The following TBC1D8 variants were observed in gnomAD, a reference collection of about 807,000 sequenced individuals.
The protein encoded by TBC1D8 is BUB2-like protein 1.
Under a neutral mutation model 118.8 loss-of-function variants are expected in TBC1D8, and 65 were observed. The ratio of observed to expected loss-of-function variants is 0.55; its 90% CI spans 0.45 to 0.67. The LOEUF is 0.67. Ranked by LOEUF, TBC1D8 falls within the 30% of genes least tolerant of loss-of-function variation. TBC1D8 has a pLI of 0.00. For missense variants in TBC1D8, 1,376 were observed against 1,471.2 expected, an observed-to-expected ratio of 0.94 and a Z score of 1.06; for synonymous variants, 566 against 595.8, an observed-to-expected ratio of 0.95 and a Z score of 0.73.
At chr2:101,119,119 C>A (rs562196408) in intron 1 of TBC1D8, among the ~76,000 whole-genome samples, 2 of 152,184 alleles carry the variant, frequency 1.3e-5, no homozygotes, top group Non-Finnish European at 2.9e-5. Flanking sequence ...TTTCTACACA[C>A]CAATAACAAT....
At chr2:101,044,486 T>A (rs1001225282) in intron 5 of TBC1D8, among the ~76,000 whole-genome samples, 14 of 152,212 alleles carry the variant, frequency 9.2e-5, no homozygotes, top group African/African-American at 3.1e-4. Context: ...AAGCCACTGC[T>A]CACAGCCCGC....
At chr2:101,146,739 C>G (rs925898305) in intron 1 of TBC1D8, among the ~76,000 whole-genome samples, 1 of 151,956 alleles carries the variant, frequency 6.6e-6, no homozygotes, top group East Asian at 1.9e-4. Context: ...TCAAAGGCTT[C>G]TCATTCTCAT....
intron 1 of TBC1D8, among the ~76,000 whole-genome samples, chr2:101,118,162 C>CCCTA (rs1263007734): frequency 2.6e-5 from 4 of 152,124 alleles, no homozygotes; most frequent in African/African-American, 9.7e-5. Context: ...CCGCCATGTA[C>CCCTA]CCTAGGTCCT....
At chr2:101,018,755 G>A (rs1679839264) in intron 17 of TBC1D8, among the ~76,000 whole-genome samples, 1 of 152,176 alleles carries the variant, frequency 6.6e-6, no homozygotes, top group Admixed American at 6.5e-5. Context: ...TCTCATTTGT[G>A]TGTGTCCATT....
intron 3 of TBC1D8, among the ~76,000 whole-genome samples, chr2:101,056,486 G>A (rs535997722): frequency 2.0e-5 from 3 of 152,220 alleles, no homozygotes; most frequent in East Asian, 1.9e-4. Flanking sequence ...GTGAGCCACC[G>A]CGCCCGGCCT....
At chr2:101,065,391 T>A (rs2105430156) in intron 2 of TBC1D8, among the ~76,000 whole-genome samples, 1 of 152,332 alleles carries the variant, frequency 6.6e-6, no homozygotes, top group South Asian at 2.1e-4. Context: ...GTCATGGCAA[T>A]GTCATTCCCA....
At chr2:101,009,499 G>T (rs1378728079) in intron 19 of TBC1D8, among the ~76,000 whole-genome samples, 1 of 151,800 alleles carries the variant, frequency 6.6e-6, no homozygotes, top group Non-Finnish European at 1.5e-5. Context: ...AAGGAAACCT[G>T]AGTATGAACA....
chr2:101,106,680 T>C (rs1453223158), intron 1 of TBC1D8, among the ~76,000 whole-genome samples: 2 of 152,212 alleles, frequency 1.3e-5, no homozygotes, highest in South Asian at 2.1e-4. Flanking sequence ...ACACATTCGG[T>C]AGAAACCATC....
rs747957096 is a variant in TBC1D8, at chr2:101,050,471, G to T, written c.802C>A (p.Arg268=). The T allele has an allele frequency of 1.9e-6, 3 of 1,613,768 alleles. No homozygotes were observed. In the South Asian group the frequency reaches 3.3e-5, roughly 18 times the overall value. ...AAGACCTCATTATCCAGCAGCCTTC[G>T]CAGCGTCACGTCGGCCAGCTGCTCC... ...VMEQLADVTL[R]RLLDNEVFDL... Residue 268 remains arginine (R), a synonymous_variant, in exon 5 of 20, where the codon CGA becomes AGA. Transcript: ENST00000409318.
intron 15 of TBC1D8, among the ~76,000 whole-genome samples, chr2:101,026,043 G>C (rs772488227): frequency 5.3e-5 from 8 of 152,146 alleles, no homozygotes; most frequent in Non-Finnish European, 1.0e-4. Context: ...GGCTTTGAAG[G>C]CCTTTTTTAA....
At chr2:101,084,830 A>C (rs1200100376) in intron 2 of TBC1D8, among the ~76,000 whole-genome samples, 1 of 150,442 alleles carries the variant, frequency 6.6e-6, no homozygotes, top group Non-Finnish European at 1.5e-5. Flanking sequence ...TGAAAAGTTG[A>C]CATGAATGGG....
intron 5 of TBC1D8, among the ~76,000 whole-genome samples, chr2:101,046,855 A>G (rs556721609): frequency 6.6e-6 from 1 of 152,230 alleles, no homozygotes; most frequent in South Asian, 2.1e-4. Context: ...CGTGGGAAAC[A>G]GAGTTTCCAT....
chr2:101,079,426 C>T (rs1389058788), intron 2 of TBC1D8, among the ~76,000 whole-genome samples: 1 of 152,160 alleles, frequency 6.6e-6, no homozygotes, highest in Non-Finnish European at 1.5e-5. Context: ...ATCTGTCACT[C>T]AGGCGGAGTG....
At chr2:101,116,801 C>A (rs1677839700) in intron 1 of TBC1D8, among the ~76,000 whole-genome samples, 1 of 151,946 alleles carries the variant, frequency 6.6e-6, no homozygotes, top group Non-Finnish European at 1.5e-5. Context: ...ACCACCATGC[C>A]CAACTAATTT....
At chr2:101,041,931 A>G (rs1681408677) in intron 5 of TBC1D8, among the ~76,000 whole-genome samples, 1 of 151,990 alleles carries the variant, frequency 6.6e-6, no homozygotes, top group South Asian at 2.1e-4. Context: ...CGGCTGAGAT[A>G]AAAGGATCAC....
chr2:101,022,532 G>GA lies in TBC1D8; in HGVS notation c.2521-12dup, dbSNP rs1241270180. On this transcript the variant is annotated splice_polypyrimidine_tract_variant and intron_variant, in intron 15 of 19. Transcript: ENST00000409318. ...CATCATATGTTCTCTCTTCAAACAA[G>GA]AGGGGGAAAGGGAGTTCTTACCACT... 7.6e-6 allele frequency: 12 copies of GA among 1,586,754 alleles called. No individual in the cohort carries two copies. The Admixed American group carries it at 2.2e-4, about 28-fold the overall frequency.
rs1671761944 is a variant in TBC1D8, at chr2:101,151,344, G to A, written c.-91C>T. ...CGAGCCCGCTCGAGAGGCGACGGCGGCGCGCGGGGACCACAGCCCGGCCGG... is the reference window on the plus strand; with the variant it reads ...CGAGCCCGCTCGAGAGGCGACGGCGACGCGCGGGGACCACAGCCCGGCCGG... On this transcript the variant is annotated 5_prime_UTR_variant, in exon 1 of 20. Transcript: ENST00000409318. The A allele has an allele frequency of 1.9e-6, 2 of 1,072,096 alleles. No homozygotes were observed. Among genetic ancestry groups the A allele is most frequent in the Non-Finnish European group, 2.3e-6 (2 of 873,850 alleles). The allele number at this position is 1,072,096 out of a possible 1,614,324, so 66.4% of individuals were successfully genotyped here. A position where few individuals can be genotyped will look rare whatever the true frequency, so the allele number is the denominator to read the frequency against.
intron 1 of TBC1D8, among the ~76,000 whole-genome samples, chr2:101,141,148 C>T (rs1007263602): frequency 6.6e-6 from 1 of 151,870 alleles, no homozygotes; most frequent in African/African-American, 2.4e-5. Context: ...CCACCCGAGA[C>T]CCAACACTCA....
intron 11 of TBC1D8, 171 bp from the exon 12 acceptor site, chr2:101,029,947 G>A: frequency 3.3e-6 from 2 of 614,448 alleles, no homozygotes; most frequent in Non-Finnish European, 2.7e-6. Context: ...TAATTCAATG[G>A]GTAAAAGATA....
Sources: allele counts gnomAD v4.1 joint callset (sites outside exome capture counted in the v4.1 genomes callset), GRCh38; gene constraint gnomAD v4.1.1; transcripts MANE v1.5; gene names NCBI Gene and HGNC (gene_info 2026-07-23, HGNC 2026-07-21).